The following PDE8B variants were observed in gnomAD, a reference collection of about 807,000 sequenced individuals.
PDE8B encodes phosphodiesterase 8B.
Under a neutral mutation model 101.3 loss-of-function variants are expected in PDE8B, and 26 were observed. The observed-to-expected ratio is 0.26, with a 90% CI of 0.19 to 0.36. The LOEUF (loss-of-function observed/expected upper bound fraction) is 0.36. Among genes scored for constraint, PDE8B ranks in the 10% least tolerant of loss-of-function variants. PDE8B has a pLI of 1.00. For synonymous variants in PDE8B, 424 were observed against 429.3 expected (o/e 0.99, Z 0.15); for missense variants, 810 against 1,163.1 (o/e 0.70, Z 4.42).
intron 1 of PDE8B, among the ~76,000 whole-genome samples, chr5:77,309,000 G>A (rs1300224685): frequency 5.9e-5 from 9 of 151,998 alleles, no homozygotes; most frequent in Admixed American, 2.6e-4. Flanking sequence ...CCAACATGGC[G>A]AAACCCCATC....
At chr5:77,373,393 G>C (rs1785426210) in intron 10 of PDE8B, among the ~76,000 whole-genome samples, 1 of 152,078 alleles carries the variant, frequency 6.6e-6, no homozygotes, top group Admixed American at 6.6e-5. Context: ...GATGAGCTTT[G>C]TTGTATGTAC....
the PDE8B span, among the ~76,000 whole-genome samples, chr5:77,195,768 C>T: frequency 2.6e-5 from 4 of 151,982 alleles, no homozygotes; most frequent in Admixed American, 1.3e-4. Flanking sequence ...TTAAGAAAAT[C>T]ATAAGGGAGG....
At chr5:77,367,299 G>A (rs1202191929) in intron 10 of PDE8B, among the ~76,000 whole-genome samples, 2 of 152,124 alleles carry the variant, frequency 1.3e-5, no homozygotes, top group Non-Finnish European at 2.9e-5. Context: ...GAATTCCTGG[G>A]GTACACTCTG....
At chr5:77,323,744 G>A (rs1775515448) in intron 2 of PDE8B, among the ~76,000 whole-genome samples, 1 of 152,188 alleles carries the variant, frequency 6.6e-6, no homozygotes, top group Admixed American at 6.5e-5. Flanking sequence ...GGATCATGAG[G>A]TCAGGAGTTC....
chr5:77,260,602 T>TTTTC (rs1163926973), intron 1 of PDE8B, among the ~76,000 whole-genome samples: 4 of 148,898 alleles, frequency 2.7e-5, no homozygotes, highest in African/African-American at 1.0e-4. Context: ...TTTTTTTTTT[T>TTTTC]TTGGAGACAG....
intron 1 of PDE8B, among the ~76,000 whole-genome samples, chr5:77,241,707 G>A (rs1755797565): frequency 6.6e-6 from 1 of 152,214 alleles, no homozygotes; most frequent in Non-Finnish European, 1.5e-5. Context: ...ATGAGATCAT[G>A]TGTTCTTCAA....
At position 77,345,634 on chromosome 5, in the gene PDE8B, C is replaced by T. The variant is rs192145814; in HGVS notation, c.876+703C>T. Reference sequence around the variant, plus strand: ...CAAAGCATTCTTACATGAATGTCATCCTCCTAAGGAAATGTGTGTAGCAGA... The same window carrying T: ...CAAAGCATTCTTACATGAATGTCATTCTCCTAAGGAAATGTGTGTAGCAGA... On this transcript the variant is annotated intron_variant, in intron 7 of 21. Coordinates refer to ENST00000264917, the MANE Select transcript of PDE8B (RefSeq NM_003719.5). Among the ~76,000 whole-genome samples the T allele has an allele frequency of 3.4e-3, 519 of 152,332 alleles. 2 individuals carry two copies. Among genetic ancestry groups the T allele is most frequent in the African/African-American group, 0.012 (491 of 41,562 alleles).
At chr5:77,233,374 A>G (rs187708233) in intron 1 of PDE8B, among the ~76,000 whole-genome samples, 1 of 152,226 alleles carries the variant, frequency 6.6e-6, no homozygotes, top group East Asian at 1.9e-4. Context: ...GTCCTGGAGC[A>G]CAGAATCTGC....
intron 16 of PDE8B, 59 bp downstream of exon 16, chr5:77,412,294 C>G (rs1248776245): frequency 6.3e-7 from 1 of 1,578,270 alleles, no homozygotes; most frequent in Admixed American, 1.7e-5. Context: ...CAAACTCTCA[C>G]ATTTGGAAAC....
chr5:77,384,226 A>G (rs1229674249), intron 10 of PDE8B, among the ~76,000 whole-genome samples: 1 of 152,006 alleles, frequency 6.6e-6, no homozygotes, highest in Non-Finnish European at 1.5e-5. Flanking sequence ...ATTTCTAGGT[A>G]TTTTATTCTC....
At chr5:77,376,558 A>G (rs1264819623) in intron 10 of PDE8B, among the ~76,000 whole-genome samples, 2 of 152,208 alleles carry the variant, frequency 1.3e-5, no homozygotes, top group Admixed American at 1.3e-4. Flanking sequence ...CACAGGCCCA[A>G]TAAATATTTC....
intron 1 of PDE8B, chr5:77,291,693 G>T (rs1767383164): frequency 6.3e-7 from 1 of 1,594,774 alleles, no homozygotes; most frequent in Non-Finnish European, 8.6e-7. Flanking sequence ...GCACACTGGT[G>T]GTGGCAGGGA....
At chr5:77,125,955 G>A in the PDE8B span, among the ~76,000 whole-genome samples, 1 of 152,148 alleles carries the variant, frequency 6.6e-6, no homozygotes, top group African/African-American at 2.4e-5. Context: ...CAAATTTTAT[G>A]TTCTGTATAT....
chr5:77,100,965 CT>C, the PDE8B span, among the ~76,000 whole-genome samples: 2,771 of 124,346 alleles, frequency 0.022, 14 homozygotes, highest in Non-Finnish European at 0.026. Context: ...ATTTTTTTTC[CT>C]TTTTTTTTTT....
At chr5:77,333,039 G>A (rs1777454341) in intron 5 of PDE8B, among the ~76,000 whole-genome samples, 1 of 151,840 alleles carries the variant, frequency 6.6e-6, no homozygotes, top group Non-Finnish European at 1.5e-5. Context: ...AACTACCTTT[G>A]TGATGCAGTT....
At chr5:77,421,761 A>G (rs369468562) in intron 19 of PDE8B, 60 bp from the exon 20 acceptor site, 5 of 1,543,860 alleles carry the variant, frequency 3.2e-6, no homozygotes, top group East Asian at 2.3e-5. Flanking sequence ...CTGGCGAATT[A>G]ACCCTTGTGG....
At chr5:77,347,414 G>A (rs1780335241) in intron 7 of PDE8B, among the ~76,000 whole-genome samples, 1 of 152,202 alleles carries the variant, frequency 6.6e-6, no homozygotes, top group African/African-American at 2.4e-5. Flanking sequence ...GAACCCTGGT[G>A]TGAAAGAAGG....
intron 1 of PDE8B, among the ~76,000 whole-genome samples, chr5:77,264,384 A>G (rs1321734529): frequency 6.6e-6 from 1 of 152,226 alleles, no homozygotes. Flanking sequence ...CCCATCAACA[A>G]TATATGAGAG....
chr5:77,197,440 G>T, the PDE8B span, among the ~76,000 whole-genome samples: 3 of 151,562 alleles, frequency 2.0e-5, no homozygotes, highest in African/African-American at 7.3e-5. Context: ...TATTGCATTT[G>T]TCTATTGTTT....
Sources: gnomAD v4.1 joint callset for allele counts (sites outside exome capture counted in the v4.1 genomes callset) on GRCh38, gnomAD v4.1.1 for gene constraint, MANE v1.5 for transcripts, NCBI Gene and HGNC (gene_info 2026-07-23, HGNC 2026-07-21) for gene names.